ADGRL3: variants seen among roughly 807,000 people sequenced by gnomAD.
ADGRL3 encodes the protein calcium-independent alpha-latrotoxin receptor 3.
Under a neutral mutation model 153.5 loss-of-function variants are expected in ADGRL3, and 62 were observed. That is an observed-to-expected ratio of 0.40 (90% confidence interval 0.33 to 0.50). The LOEUF (loss-of-function observed/expected upper bound fraction) is 0.50, where lower values mean the gene tolerates loss of function less well. Ranked by LOEUF, ADGRL3 falls within the 20% of genes least tolerant of loss-of-function variation. ADGRL3 has a pLI of 0.47. For synonymous variants in ADGRL3, 710 were observed against 672.5 expected (o/e 1.06, Z -0.86); for missense variants, 1,641 against 1,859.4 (o/e 0.88, Z 2.16).
intron 23 of ADGRL3, 76 bp from the exon 24 acceptor site, chr4:62,037,655 C>T (rs770712656): frequency 1.0e-4 from 148 of 1,473,264 alleles, no homozygotes; most frequent in Non-Finnish European, 9.1e-5. Flanking sequence ...AAAAATAAAA[C>T]TCACATACAT....
chr4:61,563,932 G>A (rs2098805968), intron 4 of ADGRL3, among the ~76,000 whole-genome samples: 1 of 152,002 alleles, frequency 6.6e-6, no homozygotes, highest in Admixed American at 6.6e-5. Flanking sequence ...CGATTGAACT[G>A]GGGGAGGCGC....
chr4:61,315,222 G>C (rs2095164514), intron 1 of ADGRL3, among the ~76,000 whole-genome samples: 1 of 152,130 alleles, frequency 6.6e-6, no homozygotes. Flanking sequence ...TCTCAACGTG[G>C]GGAAGTTCTT....
chr4:61,921,428 TTTG>T (rs1185178829), intron 13 of ADGRL3, among the ~76,000 whole-genome samples: 2 of 152,090 alleles, frequency 1.3e-5, no homozygotes, highest in Non-Finnish European at 2.9e-5. Context: ...TGTTAGCTTT[TTTG>T]TTGTTGTTGA....
Position 62,070,736 on chromosome 4 carries a change from T to C in ADGRL3, c.4460T>C (p.Val1487Ala). 6.4e-7 allele frequency: 1 copy of C among 1,551,460 alleles called. No individual in the cohort carries two copies. The highest frequency in any genetic ancestry group is 8.7e-7 in the Non-Finnish European group (1 of 1,146,928). Residue 1487 changes from valine (V) to alanine (A), a missense_variant, in exon 27 of 27, where the codon GTT becomes GCT. Physicochemically the swap from Val to Ala is moderately conservative, Grantham distance 64. Transcript: ENST00000683033. ...PPAKCGDAED[V>A]YYKSMPNLGS... ...GCCAAATGTGGTGATGCCGAAGATGTTTACTACAAAAGCATGCCAAACCTA... is the reference window on the plus strand; with the variant it reads ...GCCAAATGTGGTGATGCCGAAGATGCTTACTACAAAAGCATGCCAAACCTA...
At chr4:61,642,715 G>A (rs1266897055) in intron 5 of ADGRL3, among the ~76,000 whole-genome samples, 2 of 151,880 alleles carry the variant, frequency 1.3e-5, no homozygotes, top group Non-Finnish European at 2.9e-5. Context: ...TTGAAGTCAG[G>A]TAGTGTGATG....
intron 4 of ADGRL3, among the ~76,000 whole-genome samples, chr4:61,583,172 A>G (rs569493474): frequency 1.3e-5 from 2 of 152,056 alleles, no homozygotes; most frequent in East Asian, 1.9e-4. Flanking sequence ...ATTCCCTTCT[A>G]TGAAAGCCCC....
chr4:61,322,572 A>T (rs569878017), intron 1 of ADGRL3, among the ~76,000 whole-genome samples: 1 of 152,324 alleles, frequency 6.6e-6, no homozygotes, highest in African/African-American at 2.4e-5. Flanking sequence ...TTCCAAATGG[A>T]GAAATTCACC....
At chr4:61,562,562 G>A (rs1202156374) in intron 4 of ADGRL3, among the ~76,000 whole-genome samples, 1 of 152,026 alleles carries the variant, frequency 6.6e-6, no homozygotes, top group Non-Finnish European at 1.5e-5. Context: ...TGTTCACCCG[G>A]AGTAGATTCC....
chr4:61,262,531 C>T (rs751589167), intron 1 of ADGRL3, among the ~76,000 whole-genome samples: 1 of 152,092 alleles, frequency 6.6e-6, no homozygotes, highest in Non-Finnish European at 1.5e-5. Context: ...TCGTCATTCT[C>T]GTATCTTTTA....
intron 2 of ADGRL3, among the ~76,000 whole-genome samples, chr4:61,395,630 T>A (rs985257249): frequency 2.6e-5 from 4 of 151,862 alleles, no homozygotes; most frequent in African/African-American, 9.7e-5. Flanking sequence ...AATAAAAACA[T>A]GAAGGTTTTA....
chr4:61,902,235 G>A (rs951478916), intron 11 of ADGRL3, among the ~76,000 whole-genome samples: 19 of 152,188 alleles, frequency 1.2e-4, no homozygotes, highest in Admixed American at 3.3e-4. Flanking sequence ...TGGTACCACC[G>A]TGGAGTTAGG....
intron 8 of ADGRL3, among the ~76,000 whole-genome samples, chr4:61,777,264 C>T (rs1296191234): frequency 2.6e-5 from 4 of 151,772 alleles, no homozygotes; most frequent in South Asian, 4.2e-4. Context: ...ACCTGCGAGG[C>T]GGAGCTTTCA....
intron 25 of ADGRL3, among the ~76,000 whole-genome samples, chr4:62,054,808 C>A (rs1359013983): frequency 6.6e-6 from 1 of 151,378 alleles, no homozygotes; most frequent in Non-Finnish European, 1.5e-5. Context: ...GAAATGTGGG[C>A]CAAAGATAAG....
At chr4:61,577,974 A>G (rs1048154636) in intron 4 of ADGRL3, among the ~76,000 whole-genome samples, 1 of 152,066 alleles carries the variant, frequency 6.6e-6, no homozygotes, top group African/African-American at 2.4e-5. Context: ...TTAAAATTAT[A>G]TTATGTTTTG....
At chr4:61,479,135 A>G (rs779161077) in intron 2 of ADGRL3, among the ~76,000 whole-genome samples, 78 of 152,166 alleles carry the variant, frequency 5.1e-4, no homozygotes, top group Admixed American at 3.3e-4. Flanking sequence ...AGACAAAAGT[A>G]TCAGGGAGAT....
At chr4:61,983,109 G>A (rs1363638225) in intron 18 of ADGRL3, among the ~76,000 whole-genome samples, 1 of 151,868 alleles carries the variant, frequency 6.6e-6, no homozygotes, top group Non-Finnish European at 1.5e-5. Flanking sequence ...ATTATTCATA[G>A]GCTCTTATTA....
intron 2 of ADGRL3, among the ~76,000 whole-genome samples, chr4:61,494,605 G>C (rs335272): frequency 0.76 from 116,358 of 152,138 alleles, 46,184 homozygotes; most frequent in East Asian, 0.95. Context: ...GTGAGTCAGA[G>C]TTGGGTAAGA....
chr4:61,855,212 T>A (rs1244199708), intron 9 of ADGRL3, among the ~76,000 whole-genome samples: 1 of 152,172 alleles, frequency 6.6e-6, no homozygotes, highest in African/African-American at 2.4e-5. Flanking sequence ...AAATAGAAAC[T>A]GAATGCTGGC....
At chr4:61,799,884 AT>A (rs1354766309) in intron 8 of ADGRL3, among the ~76,000 whole-genome samples, 11 of 152,184 alleles carry the variant, frequency 7.2e-5, no homozygotes, top group Middle Eastern at 6.8e-3. Context: ...TAAAAAAAAA[AT>A]ATCCTCACCA....
Sources: gnomAD v4.1 joint callset for allele counts (sites outside exome capture counted in the v4.1 genomes callset) on GRCh38, gnomAD v4.1.1 for gene constraint, MANE v1.5 for transcripts, NCBI Gene and HGNC (gene_info 2026-07-23, HGNC 2026-07-21) for gene names.